Variants in SLCO1B1 observed in about 807,000 individuals in gnomAD.
SLCO1B1 encodes the protein OATP-2.
SLCO1B1 carries 81 observed loss-of-function variants against 70.1 expected under a neutral mutation model. That is an observed-to-expected ratio of 1.16 (90% CI 0.97 to 1.39). The LOEUF is 1.39. Among genes scored for constraint, SLCO1B1 ranks in the 40% most tolerant of loss-of-function variants. The pLI, the probability that SLCO1B1 is intolerant of heterozygous loss-of-function variation, is 0.00. For missense variants in SLCO1B1, 895 were observed against 799.6 expected (o/e 1.12, Z -1.44); for synonymous variants, 283 against 271.5 (o/e 1.04, Z -0.42).
intron 7 of SLCO1B1, among the ~76,000 whole-genome samples, chr12:21,187,050 G>A (rs1015438343): frequency 3.3e-5 from 5 of 152,106 alleles, no homozygotes; most frequent in Admixed American, 6.6e-5. Flanking sequence ...CATTGAGAAA[G>A]CATATCTGCA....
intron 1 of SLCO1B1, among the ~76,000 whole-genome samples, chr12:21,141,160 A>G (rs1239235106): frequency 6.6e-6 from 1 of 151,982 alleles, no homozygotes; most frequent in Non-Finnish European, 1.5e-5. Flanking sequence ...AAGAAAACAT[A>G]TATTTGCTTT....
At chr12:21,225,969 C>T (rs1249967256) in intron 14 of SLCO1B1, among the ~76,000 whole-genome samples, 1 of 152,142 alleles carries the variant, frequency 6.6e-6, no homozygotes, top group Non-Finnish European at 1.5e-5. Flanking sequence ...TGGAAGCAAA[C>T]AAGATGTCTT....
chr12:21,205,824 TTC>T (rs758413983), intron 10 of SLCO1B1, 42 bp from the exon 11 acceptor site: 861 of 1,420,806 alleles, frequency 6.1e-4, no homozygotes, highest in Non-Finnish European at 6.7e-4. Flanking sequence ...TGTCTTTTTC[TTC>T]TCTCTCTCTC....
chr12:21,176,945 T>G (rs1940828534), intron 5 of SLCO1B1, 48 bp downstream of exon 5: 2 of 1,355,206 alleles, frequency 1.5e-6, no homozygotes, highest in East Asian at 4.6e-5. Flanking sequence ...TGTATACATT[T>G]AATTACATCT....
intron 14 of SLCO1B1, among the ~76,000 whole-genome samples, chr12:21,231,943 T>C (rs1311835631): frequency 6.6e-6 from 1 of 152,124 alleles, no homozygotes; most frequent in Non-Finnish European, 1.5e-5. Flanking sequence ...GAAATAGTAA[T>C]CTCCTAGGTG....
At chr12:21,201,177 C>T (rs1941153382) in intron 9 of SLCO1B1, among the ~76,000 whole-genome samples, 1 of 151,936 alleles carries the variant, frequency 6.6e-6, no homozygotes, top group Non-Finnish European at 1.5e-5. Context: ...TTTAGATGTG[C>T]TTATTAAGGA....
chr12:21,176,802 T>C lies in SLCO1B1; in HGVS notation c.386T>C (p.Ile129Thr). The change falls in exon 5 of 15, where the codon ATC becomes ACC. Residue 129 changes from isoleucine (I) to threonine (T), a missense_variant. Ile to Thr is a moderately conservative substitution (Grantham distance 89). Transcript: ENST00000256958. ...TACAGGTATTCTAAAGAAACTAATA[T>C]CAATTCATCAGAAAATTCAACATCG... ...GYYRYSKETNINSSENSTSTL... is the reference protein window; with the variant it reads ...GYYRYSKETNTNSSENSTSTL... The C allele has an allele frequency of 1.3e-6, 2 of 1,542,748 alleles. No individual in the cohort carries two copies. Among genetic ancestry groups the C allele is most frequent in the South Asian group, 1.1e-5 (1 of 89,942 alleles).
intron 12 of SLCO1B1, among the ~76,000 whole-genome samples, chr12:21,219,081 G>A (rs1011854465): frequency 6.6e-6 from 1 of 152,174 alleles, no homozygotes; most frequent in Non-Finnish European, 1.5e-5. Flanking sequence ...TAAGCTTTTA[G>A]TATGGGTGGG....
intron 1 of SLCO1B1, among the ~76,000 whole-genome samples, chr12:21,138,500 A>G (rs1940260114): frequency 1.3e-5 from 2 of 152,234 alleles, no homozygotes; most frequent in Admixed American, 6.5e-5. Context: ...GCATAAATTA[A>G]TATTCCAACT....
chr12:21,188,937 C>A (rs1039054793), intron 7 of SLCO1B1, among the ~76,000 whole-genome samples: 3 of 152,170 alleles, frequency 2.0e-5, no homozygotes, highest in African/African-American at 7.2e-5. Flanking sequence ...TCACATATTG[C>A]AGAATATCCT....
chr12:21,147,060 A>G (rs1940396265), intron 2 of SLCO1B1, among the ~76,000 whole-genome samples: 1 of 151,964 alleles, frequency 6.6e-6, no homozygotes, highest in Non-Finnish European at 1.5e-5. Flanking sequence ...TTCTCCTTGT[A>G]TTTCTACTGG....
chr12:21,213,386 A>G (rs1395138621), intron 11 of SLCO1B1, among the ~76,000 whole-genome samples: 1 of 151,760 alleles, frequency 6.6e-6, no homozygotes, highest in Non-Finnish European at 1.5e-5. Flanking sequence ...AATGTTGAAT[A>G]TTGGCCCCCA....
chr12:21,217,119 G>C lies in SLCO1B1; in HGVS notation c.1498G>C (p.Val500Leu), dbSNP rs1440099198. 1.2e-6 allele frequency: 2 copies of C among 1,612,344 alleles called. No homozygotes were observed. The highest frequency in any genetic ancestry group is 1.7e-6 in the Non-Finnish European group (2 of 1,179,146). Reference protein sequence around the residue: ...KSSSGNKKPIVFYNCSCLEVT... With the variant: ...KSSSGNKKPILFYNCSCLEVT... ...TCATATTTTATACACAACGCTTAAGGTGTTTTACAACTGCAGTTGTTTGGA... is the reference window on the plus strand; with the variant it reads ...TCATATTTTATACACAACGCTTAAGCTGTTTTACAACTGCAGTTGTTTGGA... The change falls in exon 12 of 15, where the codon GTG (valine) becomes CTG (leucine). Residue 500 changes from valine (V) to leucine (L), a missense_variant and splice_region_variant. Coordinates refer to ENST00000256958, the MANE Select transcript of SLCO1B1 (RefSeq NM_006446.5).
chr12:21,203,868 A>G (rs556002534), intron 10 of SLCO1B1, among the ~76,000 whole-genome samples: 15 of 152,146 alleles, frequency 9.9e-5, no homozygotes, highest in South Asian at 2.1e-4. Context: ...GACTGATCCT[A>G]TGTCACACCC....
At chr12:21,137,941 C>G (rs1016724456) in intron 1 of SLCO1B1, among the ~76,000 whole-genome samples, 1 of 152,208 alleles carries the variant, frequency 6.6e-6, no homozygotes, top group South Asian at 2.1e-4. Context: ...ATGCTGGGAG[C>G]TGTAGACCAG....
chr12:21,151,942 G>T (rs1940475541), intron 2 of SLCO1B1, among the ~76,000 whole-genome samples: 1 of 151,472 alleles, frequency 6.6e-6, no homozygotes, highest in African/African-American at 2.4e-5. Context: ...ATACTAATTT[G>T]GGGAAATTCT....
At chr12:21,165,932 A>G (rs760687708) in intron 2 of SLCO1B1, among the ~76,000 whole-genome samples, 5 of 152,186 alleles carry the variant, frequency 3.3e-5, no homozygotes, top group Admixed American at 6.6e-5. Flanking sequence ...TTCAACAGCA[A>G]ATTTGAGCAG....
intron 11 of SLCO1B1, among the ~76,000 whole-genome samples, chr12:21,209,687 T>C (rs1311530951): frequency 6.6e-6 from 1 of 151,380 alleles, no homozygotes; most frequent in Admixed American, 6.6e-5. Context: ...AGTGTAAAAG[T>C]GTTCCTATTT....
intron 5 of SLCO1B1, 57 bp downstream of exon 5, chr12:21,176,954 CT>C: frequency 7.5e-7 from 1 of 1,325,492 alleles, no homozygotes; most frequent in Non-Finnish European, 1.1e-6. Flanking sequence ...TTAATTACAT[CT>C]CTAAAAATTG....
Sources: allele counts gnomAD v4.1 joint callset (sites outside exome capture counted in the v4.1 genomes callset), GRCh38; gene constraint gnomAD v4.1.1; transcripts MANE v1.5; gene names NCBI Gene and HGNC (gene_info 2026-07-23, HGNC 2026-07-21).